The following DOCK8 variants were observed in gnomAD, a reference collection of about 807,000 sequenced individuals.
DOCK8 encodes the protein dedicator of cytokinesis protein 8.
In DOCK8, 141 loss-of-function variants were observed where a neutral mutation model predicts 245.6. The observed-to-expected ratio is 0.57, with a 90% CI of 0.50 to 0.66. The LOEUF (loss-of-function observed/expected upper bound fraction) is 0.66, where lower values mean the gene tolerates loss of function less well. Ranked by LOEUF, DOCK8 falls within the 30% of genes least tolerant of loss-of-function variation. The pLI, the probability that DOCK8 is intolerant of heterozygous loss-of-function variation, is 0.00. For synonymous variants in DOCK8, 1,168 were observed against 970.2 expected, an observed-to-expected ratio of 1.20 and a Z score of -3.79; for missense variants, 2,965 against 2,603.4, an observed-to-expected ratio of 1.14 and a Z score of -3.02.
intron 14 of DOCK8, among the ~76,000 whole-genome samples, chr9:363,401 ATGAG>A (rs1434713570): frequency 3.3e-4 from 50 of 152,350 alleles, no homozygotes; most frequent in South Asian, 1.0e-3. Flanking sequence ...TATGAAGCAT[ATGAG>A]CCTGTTTATC....
At chr9:298,341 C>T (rs563302117) in intron 4 of DOCK8, among the ~76,000 whole-genome samples, 18 of 152,304 alleles carry the variant, frequency 1.2e-4, no homozygotes, top group South Asian at 4.1e-4. Flanking sequence ...AGGAGAATTG[C>T]TTCAACTCGG....
intron 21 of DOCK8, among the ~76,000 whole-genome samples, chr9:381,959 T>TAAA (rs74820255): frequency 0.019 from 2,749 of 142,902 alleles, 98 homozygotes; most frequent in African/African-American, 0.066. Context: ...GACCCTGTCT[T>TAAA]AAAAAAAAAA....
At chr9:309,420 T>C (rs1265461178) in intron 5 of DOCK8, among the ~76,000 whole-genome samples, 1 of 152,140 alleles carries the variant, frequency 6.6e-6, no homozygotes, top group Non-Finnish European at 1.5e-5. Flanking sequence ...AGTATGTCCA[T>C]TTAGTAGAAT....
chr9:455,401 CGA>C (rs2057603994), intron 46 of DOCK8, among the ~76,000 whole-genome samples: 1 of 151,982 alleles, frequency 6.6e-6, no homozygotes, highest in South Asian at 2.1e-4. Flanking sequence ...CCCAGCTACT[CGA>C]GAGGCTGAGG....
intron 14 of DOCK8, among the ~76,000 whole-genome samples, chr9:345,471 G>T (rs1264262298): frequency 4.6e-5 from 7 of 152,188 alleles, no homozygotes; most frequent in African/African-American, 1.7e-4. Context: ...CTATTACCTG[G>T]TTCTAATAGC....
chr9:269,521 T>C (rs1216405036), intron 1 of DOCK8, among the ~76,000 whole-genome samples: 1 of 151,832 alleles, frequency 6.6e-6, no homozygotes, highest in Non-Finnish European at 1.5e-5. Context: ...CGAACATTCA[T>C]GTGTAAGTTT....
At chr9:399,458 G>A (rs2131418811) in intron 26 of DOCK8, among the ~76,000 whole-genome samples, 199 bp downstream of exon 26, 1 of 152,162 alleles carries the variant, frequency 6.6e-6, no homozygotes, top group East Asian at 1.9e-4. Context: ...GATTCCTGGA[G>A]CATTTACCGA....
At chr9:313,900 A>G (rs569691333) in intron 6 of DOCK8, among the ~76,000 whole-genome samples, 25 of 152,358 alleles carry the variant, frequency 1.6e-4, no homozygotes, top group African/African-American at 5.0e-4. Context: ...AAAACATGAC[A>G]CTGTACCCCA....
chr9:413,533 A>G (rs2055852232), intron 28 of DOCK8, among the ~76,000 whole-genome samples: 1 of 152,254 alleles, frequency 6.6e-6, no homozygotes, highest in Non-Finnish European at 1.5e-5. Context: ...TATCTGGAAT[A>G]TATATTTTAA....
chr9:317,468 C>CG (rs1468291920), intron 7 of DOCK8, among the ~76,000 whole-genome samples: 1 of 152,150 alleles, frequency 6.6e-6, no homozygotes, highest in African/African-American at 2.4e-5. Context: ...TGAGATCTGA[C>CG]AGTGCATATC....
intron 1 of DOCK8, among the ~76,000 whole-genome samples, chr9:232,998 A>G (rs941434345): frequency 6.6e-4 from 100 of 152,108 alleles, no homozygotes; most frequent in African/African-American, 2.4e-3. Flanking sequence ...TAGGGTGTCA[A>G]TTTTGGATCT....
intron 12 of DOCK8, among the ~76,000 whole-genome samples, chr9:336,956 A>C (rs1437757959): frequency 6.6e-6 from 1 of 152,072 alleles, no homozygotes; most frequent in Middle Eastern, 3.2e-3. Flanking sequence ...ACCCTTGGTG[A>C]GGGCTTTCTT....
At position 414,963 on chromosome 9, in the gene DOCK8, T is replaced by C; in HGVS notation, c.3700+12T>C. ...CTGTGACTTTACAGGTAATGGCCCT[T>C]CTGTTTTCTTTCTTGGATTGTTGGG... On this transcript the variant is annotated intron_variant, in intron 29 of 47. Coordinates refer to ENST00000432829, the MANE Select transcript of DOCK8 (RefSeq NM_203447.4). 7 of 1,612,788 alleles carry C rather than the reference T, an allele frequency of 4.3e-6. No individual in the cohort carries two copies. Among genetic ancestry groups the C allele is most frequent in the Non-Finnish European group, 5.9e-6 (7 of 1,180,002 alleles).
intron 38 of DOCK8, among the ~76,000 whole-genome samples, chr9:434,575 A>C (rs949156867): frequency 2.6e-5 from 4 of 152,138 alleles, no homozygotes; most frequent in Non-Finnish European, 5.9e-5. Flanking sequence ...TATTTCTTGG[A>C]GGTCAGCACA....
chr9:382,556 T>C lies in DOCK8; in HGVS notation c.2649T>C (p.Tyr883=). The change falls in exon 22 of 48, where the codon TAT becomes TAC. Residue 883 remains tyrosine (Y), a synonymous_variant. Transcript: ENST00000432829. ...ALLDPRSYHT[Y]GRTSAAAVSS... is the part of the protein sequence containing the mutation. ...TAGACCCTCGGAGCTACCACACGTA[T>C]GGCCGCACATCAGCTGCTGCTGTGA... 3.1e-6 allele frequency: 5 copies of C among 1,614,074 alleles called. No individual in the cohort carries two copies. The highest frequency in any genetic ancestry group is 1.3e-5 in the African/African-American group (1 of 75,042).
At chr9:239,903 G>T (rs1286437793) in intron 1 of DOCK8, among the ~76,000 whole-genome samples, 1 of 152,036 alleles carries the variant, frequency 6.6e-6, no homozygotes. Context: ...ACATTCCATT[G>T]TAAGGATACA....
At chr9:462,564 T>C (rs2057839027) in intron 46 of DOCK8, among the ~76,000 whole-genome samples, 1 of 152,248 alleles carries the variant, frequency 6.6e-6, no homozygotes, top group African/African-American at 2.4e-5. Context: ...TTGTGTGAGC[T>C]TTGAAGCCCC....
chr9:241,193 A>G (rs184678949), intron 1 of DOCK8, among the ~76,000 whole-genome samples: 2 of 152,264 alleles, frequency 1.3e-5, no homozygotes, highest in Admixed American at 1.3e-4. Flanking sequence ...CAATTAGCAT[A>G]TCCATCATCT....
At chr9:234,126 TA>T (rs1351991209) in intron 1 of DOCK8, among the ~76,000 whole-genome samples, 2 of 152,180 alleles carry the variant, frequency 1.3e-5, no homozygotes, top group African/African-American at 2.4e-5. Context: ...TGCTTGTCTG[TA>T]AAGGACTTTA....
Sources: gnomAD v4.1 joint callset for allele counts (sites outside exome capture counted in the v4.1 genomes callset) on GRCh38, gnomAD v4.1.1 for gene constraint, MANE v1.5 for transcripts, NCBI Gene and HGNC (gene_info 2026-07-23, HGNC 2026-07-21) for gene names.